PSEN2: variants seen among roughly 807,000 people sequenced by gnomAD.
PSEN2 encodes presenilin-2.
PSEN2 carries 32 observed loss-of-function variants against 49.1 expected under a neutral mutation model. The ratio of observed to expected loss-of-function variants is 0.65; its 90% confidence interval spans 0.49 to 0.88. The LOEUF is 0.88. PSEN2 is among the 40% of genes least tolerant of loss of function. PSEN2 has a pLI of 0.00. For synonymous variants in PSEN2, 255 were observed against 244.0 expected (o/e 1.05, Z -0.42); for missense variants, 522 against 586.9 (o/e 0.89, Z 1.14).
At chr1:226,890,500 C>T (rs1239831816) in intron 9 of PSEN2, 1 of 326,660 alleles carries the variant, frequency 3.1e-6, no homozygotes, top group Non-Finnish European at 6.0e-6. Flanking sequence ...GAGCAAGGAG[C>T]TTCTGGGCTT....
At chr1:226,894,827 G>A (rs1002247677) in intron 12 of PSEN2, among the ~76,000 whole-genome samples, 2 of 152,198 alleles carry the variant, frequency 1.3e-5, no homozygotes. Context: ...TTGCCCACAA[G>A]TATATCAGGG....
intron 3 of PSEN2, among the ~76,000 whole-genome samples, chr1:226,879,508 C>G (rs1660844399): frequency 1.3e-5 from 2 of 152,216 alleles, no homozygotes; most frequent in African/African-American, 4.8e-5. Flanking sequence ...CCAAACTCCT[C>G]CCTGGCATGG....
chr1:226,873,177 CAA>C (rs59604724), intron 2 of PSEN2, among the ~76,000 whole-genome samples: 4 of 135,848 alleles, frequency 2.9e-5, no homozygotes, highest in African/African-American at 5.3e-5. Context: ...AACTCCATCT[CAA>C]AAAAAAAAAA....
At chr1:226,879,427 A>G (rs1478278266) in intron 3 of PSEN2, among the ~76,000 whole-genome samples, 10 of 152,140 alleles carry the variant, frequency 6.6e-5, no homozygotes, top group Non-Finnish European at 1.3e-4. Context: ...TTCAGTTCAC[A>G]TCTTCCTCCT....
At chr1:226,874,725 A>G (rs1660523267) in intron 2 of PSEN2, among the ~76,000 whole-genome samples, 1 of 152,170 alleles carries the variant, frequency 6.6e-6, no homozygotes, top group African/African-American at 2.4e-5. Flanking sequence ...TCTAGGTTTT[A>G]CGATAATCTT....
At chr1:226,891,866 G>C (rs548161965) in intron 11 of PSEN2, 22 bp downstream of exon 11, 3 of 1,603,048 alleles carry the variant, frequency 1.9e-6, no homozygotes, top group Non-Finnish European at 2.6e-6. Context: ...ATGTTCACAC[G>C]GCCTGCTTCA....
chr1:226,874,693 G>A (rs1328965833), intron 2 of PSEN2, among the ~76,000 whole-genome samples: 1 of 152,186 alleles, frequency 6.6e-6, no homozygotes, highest in African/African-American at 2.4e-5. Context: ...TCTACTGTGT[G>A]CTGGACACTT....
chr1:226,874,848 TCTGAACC>T (rs1286994229), intron 2 of PSEN2, among the ~76,000 whole-genome samples: 1 of 152,188 alleles, frequency 6.6e-6, no homozygotes, highest in Non-Finnish European at 1.5e-5. Context: ...AGGCAGGCGA[TCTGAACC>T]CTGTCAGTCT....
At chr1:226,891,496 G>T (rs1041887493) in intron 10 of PSEN2, 135 bp downstream of exon 10, 32 of 824,830 alleles carry the variant, frequency 3.9e-5, no homozygotes, top group Non-Finnish European at 1.6e-5. Context: ...TTGAAAACCA[G>T]CCGGACACAT....
chr1:226,892,302 G>A (rs1325292499), intron 11 of PSEN2, among the ~76,000 whole-genome samples: 1 of 152,216 alleles, frequency 6.6e-6, no homozygotes, highest in Admixed American at 6.5e-5. Context: ...CACTAGAGGA[G>A]AGGAGCACAG....
At chr1:226,876,357 G>A (rs970586595) in intron 3 of PSEN2, among the ~76,000 whole-genome samples, 22 of 152,178 alleles carry the variant, frequency 1.4e-4, no homozygotes, top group African/African-American at 5.1e-4. Context: ...GGGGCTGAGG[G>A]ACAAATGAAA....
intron 5 of PSEN2, 65 bp from the exon 6 acceptor site, chr1:226,885,473 T>C: frequency 1.9e-6 from 3 of 1,585,450 alleles, no homozygotes; most frequent in Non-Finnish European, 2.6e-6. Flanking sequence ...CCAGAATCAC[T>C]CAAGGTGGGG....
intron 2 of PSEN2, among the ~76,000 whole-genome samples, chr1:226,873,308 C>T (rs993953539): frequency 7.9e-5 from 12 of 152,228 alleles, no homozygotes; most frequent in Non-Finnish European, 4.4e-5. Context: ...AATTCTAGAA[C>T]GGGAAGAACA....
chr1:226,871,147 A>G lies in PSEN2; in HGVS notation c.-349-115A>G, dbSNP rs556146007. ...CGGCCTCTAGCACCGGGTCCTGGGC[A>G]TGCTTTCCCCGGGAAGGAGGCGCGC... is the stretch of plus-strand genomic sequence containing the variant. On this transcript the variant is annotated intron_variant, in intron 1 of 12. Transcript: ENST00000366783. The G allele has an allele frequency of 1.6e-4, 24 of 151,708 alleles. No homozygotes were observed. The highest frequency in any genetic ancestry group is 1.3e-3 in the Admixed American group (20 of 15,250). The allele number at this position is 151,708 out of a possible 1,614,324, so 9.4% of individuals were successfully genotyped here. A position where few individuals can be genotyped will look rare whatever the true frequency, so the allele number is the denominator to read the frequency against.
rs1397211780 is a variant in PSEN2 at position 226,883,811 on chromosome 1, A to G, written c.248A>G (p.Tyr83Cys). ...CTGGAGGAAGAGCTGACCCTCAAATACGGAGCGAAGCACGTGATCATGCTG... is the reference window on the plus strand; with the variant it reads ...CTGGAGGAAGAGCTGACCCTCAAATGCGGAGCGAAGCACGTGATCATGCTG... ...PGLEEELTLKYGAKHVIMLFV... is the reference protein window; with the variant it reads ...PGLEEELTLKCGAKHVIMLFV... The change falls in exon 5 of 13, where the codon TAC becomes TGC. Residue 83 changes from tyrosine (Y) to cysteine (C), a missense_variant. Physicochemically the swap from Tyr to Cys is radical, Grantham distance 194 (BLOSUM62 -2). Transcript: ENST00000366783. 6.2e-7 allele frequency: 1 copy of G among 1,614,034 alleles called. No individual in the cohort carries two copies. Among genetic ancestry groups the G allele is most frequent in the Non-Finnish European group, 8.5e-7 (1 of 1,180,004 alleles).
intron 9 of PSEN2, chr1:226,891,047 G>T: frequency 1.7e-6 from 1 of 574,702 alleles, no homozygotes; most frequent in Non-Finnish European, 3.1e-6. Flanking sequence ...GATAGACCTG[G>T]TTCTTATGCT....
chr1:226,895,194 G>C (rs955234468), intron 12 of PSEN2, among the ~76,000 whole-genome samples: 3 of 152,216 alleles, frequency 2.0e-5, no homozygotes, highest in African/African-American at 4.8e-5. Flanking sequence ...GAGTCAGGAG[G>C]CCTGCCTTCT....
chr1:226,892,786 C>G (rs542079957), intron 11 of PSEN2, among the ~76,000 whole-genome samples: 52 of 152,296 alleles, frequency 3.4e-4, no homozygotes, highest in African/African-American at 1.2e-3. Flanking sequence ...CAGACACCAG[C>G]CACAAGCTCT....
rs147318268 is a variant in PSEN2, at chr1:226,880,350, G to A, written c.-20-1538G>A. ...TATGATTGCACCACTGTACTCCAACGTAAGTGACCAGTGAGACCCTGTCTC... is the reference window on the plus strand; with the variant it reads ...TATGATTGCACCACTGTACTCCAACATAAGTGACCAGTGAGACCCTGTCTC... On this transcript the variant is annotated intron_variant, in intron 3 of 12. Transcript: ENST00000366783. 14 of 466,636 alleles carry A rather than the reference G, an allele frequency of 3.0e-5. No homozygotes were observed. The East Asian group carries it at 5.9e-4, about 20-fold the overall frequency. The allele number at this position is 466,636 out of a possible 1,614,324, so 28.9% of individuals were successfully genotyped here.
Sources: gnomAD v4.1 joint callset for allele counts (sites outside exome capture counted in the v4.1 genomes callset) on GRCh38, gnomAD v4.1.1 for gene constraint, MANE v1.5 for transcripts, NCBI Gene and HGNC (gene_info 2026-07-23, HGNC 2026-07-21) for gene names.